Variants in TRAF2 observed in about 807,000 individuals in gnomAD.
TRAF2 encodes TNF receptor associated factor 2, also known as TNF receptor-associated factor 2.
TRAF2 carries 6 observed loss-of-function variants against 55.6 expected under a neutral mutation model. The observed-to-expected ratio is 0.11, with a 90% CI of 0.06 to 0.21. TRAF2 has a LOEUF of 0.21. Ranked by LOEUF, TRAF2 falls within the 10% of genes least tolerant of loss-of-function variation. The pLI is 1.00. For missense variants in TRAF2, 561 were observed against 684.5 expected (o/e 0.82, Z 2.01); for synonymous variants, 329 against 276.3 (o/e 1.19, Z -1.89).
chr9:136,923,019 G>A (rs527690832), intron 9 of TRAF2, among the ~76,000 whole-genome samples: 8 of 152,286 alleles, frequency 5.3e-5, no homozygotes, highest in South Asian at 2.1e-4. Context: ...GGGTCCCTGC[G>A]TGCAGACCTT....
Position 136,913,981 on chromosome 9 carries a change from G to T in TRAF2, c.604-2560G>T, listed in dbSNP as rs901342091. Among the ~76,000 whole-genome samples the T allele has an allele frequency of 1.1e-4, 16 of 152,372 alleles. No individual in the cohort carries two copies. The East Asian group carries it at 2.5e-3, about 24-fold the overall frequency. On this transcript the variant is annotated intron_variant, in intron 6 of 10. Transcript: ENST00000247668. ...GACCTGTGGGGCTCGCTGGATAGGAGAAGTGGGCCTGGGCCTCATGGCCAA... is the reference window on the plus strand; with the variant it reads ...GACCTGTGGGGCTCGCTGGATAGGATAAGTGGGCCTGGGCCTCATGGCCAA...
intron 4 of TRAF2, among the ~76,000 whole-genome samples, chr9:136,907,809 G>T (rs575668612): frequency 7.9e-4 from 120 of 152,060 alleles, no homozygotes; most frequent in Middle Eastern, 3.4e-3. Context: ...TGGTGGCAAG[G>T]CATCCACACA....
Position 136,924,007 on chromosome 9 carries a change from C to A in TRAF2, c.1287+7C>A, listed in dbSNP as rs1850461471. ...GTGGCCCTTCAACCAGAAGGTGAGG[C>A]CGTCCCTGCAGGCTTCGCTAGGGCC... On this transcript the variant is annotated splice_region_variant and intron_variant, in intron 10 of 10. Coordinates refer to ENST00000247668, the MANE Select transcript of TRAF2 (RefSeq NM_021138.4). 6.2e-7 allele frequency: 1 copy of A among 1,612,194 alleles called. No individual in the cohort carries two copies. The highest frequency in any genetic ancestry group is 1.7e-5 in the Admixed American group (1 of 59,990).
At chr9:136,884,463 G>A (rs575676286), upstream of TRAF2, among the ~76,000 whole-genome samples, 1 of 152,204 alleles carries the variant, frequency 6.6e-6, no homozygotes, top group African/African-American at 2.4e-5. Context: ...CGGAGGCTTA[G>A]GCAGGAGAAT....
At chr9:136,911,358 G>C (rs1222597005) in intron 6 of TRAF2, among the ~76,000 whole-genome samples, 1 of 148,388 alleles carries the variant, frequency 6.7e-6, no homozygotes, top group African/African-American at 2.5e-5. Flanking sequence ...TCTGCCTCCT[G>C]GGTTCAGGTG....
At chr9:136,918,266 A>ATTTATTTATTTAT (rs1339521238) in intron 7 of TRAF2, among the ~76,000 whole-genome samples, 22 of 15,752 alleles carry the variant, frequency 1.4e-3, no homozygotes, top group African/African-American at 4.3e-3. Flanking sequence ...TATTTATTTA[A>ATTTATTTATTTAT]TTAATTAATT....
At chr9:136,910,058 C>G in intron 6 of TRAF2, 64 bp downstream of exon 6, 3 of 1,506,984 alleles carry the variant, frequency 2.0e-6, no homozygotes, top group African/African-American at 2.8e-5. Context: ...CGTGAGGGTC[C>G]CGTGGGTGGG....
In TRAF2 at chr9:136,923,861, C is replaced by T; in HGVS notation, c.1148C>T (p.Thr383Ile). The change falls in exon 10 of 11, where the codon ACC (threonine) becomes ATC (isoleucine). Residue 383 changes from threonine (T) to isoleucine (I), a missense_variant. Coordinates refer to ENST00000247668, the MANE Select transcript of TRAF2 (RefSeq NM_021138.4). ...CCTCCTGCCTCCCCAGCCTTCTACA[C>T]CAGCAGGTACGGCTACAAGATGTGT... is the stretch of plus-strand genomic sequence containing the variant. ...IPAIFSPAFYTSRYGYKMCLR... is the reference protein window; with the variant it reads ...IPAIFSPAFYISRYGYKMCLR... 3 of 1,613,570 alleles carry T rather than the reference C, an allele frequency of 1.9e-6. No individual in the cohort carries two copies. The highest frequency in any genetic ancestry group is 2.5e-6 in the Non-Finnish European group (3 of 1,179,878).
intron 4 of TRAF2, among the ~76,000 whole-genome samples, chr9:136,907,593 G>A (rs959699721): frequency 2.6e-5 from 4 of 152,168 alleles, no homozygotes; most frequent in Non-Finnish European, 4.4e-5. Context: ...TCTCCCGTGC[G>A]TGTTCCCTAC....
intron 1 of TRAF2, among the ~76,000 whole-genome samples, chr9:136,894,747 G>A (rs1357336404): frequency 6.6e-6 from 1 of 152,166 alleles, no homozygotes; most frequent in Non-Finnish European, 1.5e-5. Flanking sequence ...GCCAGAGAAG[G>A]GGCTAGTGCT....
At chr9:136,889,957 A>G (rs1401287402) in intron 1 of TRAF2, among the ~76,000 whole-genome samples, 1 of 119,224 alleles carries the variant, frequency 8.4e-6, no homozygotes, top group African/African-American at 3.3e-5. Context: ...GAGAGTCCCC[A>G]CCGCACGCTC....
chr9:136,914,490 C>T (rs1850194325), intron 6 of TRAF2, among the ~76,000 whole-genome samples: 1 of 152,348 alleles, frequency 6.6e-6, no homozygotes, highest in East Asian at 1.9e-4. Context: ...TTCCTGCCTC[C>T]ACTTCTTCCC....
intron 9 of TRAF2, among the ~76,000 whole-genome samples, chr9:136,923,027 CT>C (rs1850433479): frequency 6.6e-6 from 1 of 152,136 alleles, no homozygotes; most frequent in African/African-American, 2.4e-5. Context: ...GCGTGCAGAC[CT>C]TTGCACACAG....
At chr9:136,895,690 A>G (rs1849664818) in intron 1 of TRAF2, among the ~76,000 whole-genome samples, 1 of 152,060 alleles carries the variant, frequency 6.6e-6, no homozygotes, top group Admixed American at 6.5e-5. Context: ...CATCTGAAAA[A>G]TACAAAAAAT....
At chr9:136,925,497 G>T (rs1011579766) in intron 10 of TRAF2, among the ~76,000 whole-genome samples, 186 bp from the exon 11 acceptor site, 1 of 151,934 alleles carries the variant, frequency 6.6e-6, no homozygotes, top group Non-Finnish European at 1.5e-5. Flanking sequence ...GCTGGGGAGG[G>T]CTGGGGAGCC....
upstream of TRAF2, chr9:136,882,003 G>A (rs1418341560): frequency 8.1e-6 from 8 of 985,472 alleles, no homozygotes; most frequent in Non-Finnish European, 7.2e-6. Flanking sequence ...GCAAGCTCTC[G>A]GTGTGAGCAA....
At chr9:136,918,226 T>TG (rs1564419356) in intron 7 of TRAF2, among the ~76,000 whole-genome samples, 8 of 53,624 alleles carry the variant, frequency 1.5e-4, no homozygotes, top group African/African-American at 8.1e-4. Context: ...GAGTGTTTTG[T>TG]TTATATATAT....
upstream of TRAF2, chr9:136,886,487 C>T (rs1849449588): frequency 3.0e-6 from 3 of 1,003,056 alleles, no homozygotes; most frequent in South Asian, 8.5e-5. Context: ...GCGGCGGCGG[C>T]GTTGGGGGCG....
chr9:136,883,316 G>A (rs1418674262), upstream of TRAF2, among the ~76,000 whole-genome samples: 1 of 152,168 alleles, frequency 6.6e-6, no homozygotes, highest in East Asian at 1.9e-4. Flanking sequence ...CTGCTCTCGA[G>A]GGCTGTGGGC....
Sources: gnomAD v4.1 joint callset for allele counts (sites outside exome capture counted in the v4.1 genomes callset) on GRCh38, gnomAD v4.1.1 for gene constraint, MANE v1.5 for transcripts, NCBI Gene and HGNC (gene_info 2026-07-23, HGNC 2026-07-21) for gene names.